Variants in BUB1B observed in about 807,000 individuals in gnomAD.
BUB1B encodes the protein mitotic checkpoint serine/threonine-protein kinase BUB1 beta.
BUB1B carries 86 observed loss-of-function variants against 137.7 expected under a neutral mutation model. The ratio of observed to expected loss-of-function variants is 0.62; its 90% CI spans 0.52 to 0.75. BUB1B has a LOEUF of 0.75. Among genes scored for constraint, BUB1B ranks in the 30% least tolerant of loss-of-function variants. The pLI is 0.00. For missense variants in BUB1B, 1,130 were observed against 1,236.9 expected (o/e 0.91, Z 1.30); for synonymous variants, 420 against 417.9 (o/e 1.00, Z -0.06).
chr15:40,177,245 C>G (rs2037233864), intron 5 of BUB1B, among the ~76,000 whole-genome samples: 1 of 152,050 alleles, frequency 6.6e-6, no homozygotes, highest in Non-Finnish European at 1.5e-5. Context: ...GTCTAATTTA[C>G]AAGTTTTTCT....
At position 40,185,642 on chromosome 15, in the gene BUB1B, T is replaced by A; in HGVS notation, c.1058T>A (p.Met353Lys). The A allele has an allele frequency of 6.2e-7, 1 of 1,612,430 alleles. No homozygotes were observed. Among genetic ancestry groups the A allele is most frequent in the Non-Finnish European group, 8.5e-7 (1 of 1,178,432 alleles). Residue 353 changes from methionine (M) to lysine (K), a missense_variant and splice_region_variant, in exon 8 of 23, where the codon ATG (methionine) becomes AAG (lysine). Coordinates refer to ENST00000287598, the MANE Select transcript of BUB1B (RefSeq NM_001211.6). ...YVEETARQPV[M>K]TPCKIEPSIN... is the part of the protein sequence containing the mutation. Reference sequence around the variant, plus strand: ...GAAGAGACTGCACGACAGCCAGTTATGTGAGTGTGGTTTTTGGATATTTTG... The same window carrying A: ...GAAGAGACTGCACGACAGCCAGTTAAGTGAGTGTGGTTTTTGGATATTTTG...
At chr15:40,163,171 T>C (rs1469532742) in intron 1 of BUB1B, among the ~76,000 whole-genome samples, 1 of 152,150 alleles carries the variant, frequency 6.6e-6, no homozygotes, top group Non-Finnish European at 1.5e-5. Flanking sequence ...CTGTCCAGGG[T>C]TGGTTCCTCT....
chr15:40,206,214 G>A lies in BUB1B; in HGVS notation c.1765G>A (p.Glu589Lys), dbSNP rs1295030829. The A allele has an allele frequency of 4.3e-6, 7 of 1,614,116 alleles. No individual in the cohort carries two copies. The highest frequency in any genetic ancestry group is 2.7e-5 in the African/African-American group (2 of 75,040). ...ATTTACAGGAATTGAACCCTTGAGC[G>A]AGGATGCCATTATCACAGGCTTCAG... ...DEFTGIEPLS[E>K]DAIITGFRNV... The change falls in exon 15 of 23, where the codon GAG becomes AAG. Residue 589 changes from glutamate (E) to lysine (K), a missense_variant. Coordinates refer to ENST00000287598, the MANE Select transcript of BUB1B (RefSeq NM_001211.6).
At chr15:40,212,396 TTTA>T in intron 18 of BUB1B, 100 bp from the exon 19 acceptor site, 1 of 889,908 alleles carries the variant, frequency 1.1e-6, no homozygotes, top group Non-Finnish European at 1.8e-6. Flanking sequence ...AAAATATCTC[TTTA>T]TTATTTCTCT....
At chr15:40,177,063 T>A (rs2037232644) in intron 5 of BUB1B, among the ~76,000 whole-genome samples, 1 of 152,132 alleles carries the variant, frequency 6.6e-6, no homozygotes, top group African/African-American at 2.4e-5. Flanking sequence ...GCCTTTTGAG[T>A]TTGGCCTGTT....
intron 5 of BUB1B, among the ~76,000 whole-genome samples, chr15:40,178,953 T>G (rs73389530): frequency 1.3e-5 from 2 of 152,142 alleles, no homozygotes; most frequent in African/African-American, 4.8e-5. Context: ...TACAATCTAA[T>G]TTTAGAACAT....
chr15:40,180,642 CTTTTTTTTTTTTTT>C (rs71132149), intron 5 of BUB1B, among the ~76,000 whole-genome samples: 6 of 65,854 alleles, frequency 9.1e-5, no homozygotes, highest in Admixed American at 4.5e-4. Context: ...TTTTCTTTTT[CTTTTTTTTTTTTTT>C]TTTTTTTTTT....
chr15:40,203,770 T>C (rs1039540055), intron 14 of BUB1B, among the ~76,000 whole-genome samples: 1 of 152,196 alleles, frequency 6.6e-6, no homozygotes, highest in Non-Finnish European at 1.5e-5. Flanking sequence ...TGTGTAGACA[T>C]TTAAGTCAAA....
intron 4 of BUB1B, among the ~76,000 whole-genome samples, chr15:40,174,738 G>T (rs898415270): frequency 2.6e-5 from 4 of 152,166 alleles, no homozygotes; most frequent in Non-Finnish European, 4.4e-5. Context: ...GGCCGAGGTG[G>T]GTGGATCACC....
In BUB1B at chr15:40,204,177, C is replaced by T. The variant is rs574831066; in HGVS notation, c.1734+1483C>T. 3.3e-5 allele frequency among the ~76,000 whole-genome samples: 5 copies of T among 152,230 alleles called. No individual in the cohort carries two copies. The South Asian group carries it at 1.0e-3, about 32-fold the overall frequency. On this transcript the variant is annotated intron_variant, in intron 14 of 22. Coordinates refer to ENST00000287598, the MANE Select transcript of BUB1B (RefSeq NM_001211.6). ...GACTAACAGTGCTTAAGCCCCATTC[C>T]ATCTAGGTGCCATTGGAATTTCCAG...
At chr15:40,166,471 C>A (rs916164845) in intron 2 of BUB1B, 18 of 335,160 alleles carry the variant, frequency 5.4e-5, no homozygotes, top group Non-Finnish European at 9.7e-5. Flanking sequence ...TCCTGAGTAG[C>A]TGGGACTACA....
chr15:40,196,835 C>T (rs2037505104), intron 9 of BUB1B, 61 bp downstream of exon 9: 12 of 1,464,150 alleles, frequency 8.2e-6, no homozygotes, highest in Non-Finnish European at 1.1e-5. Flanking sequence ...TTGAGCTGAC[C>T]TATTAAGTCT....
rs779581144 is a variant in BUB1B, at chr15:40,212,520, T to C, written c.2407T>C (p.Trp803Arg). ...ACAGGTATCTTCTCAACCTGTCCCA[T>C]GGGACTTTTATATCAACCTCAAGTT... is the stretch of plus-strand genomic sequence containing the variant. Reference protein sequence around the residue: ...VIKVSSQPVPWDFYINLKLKE... With the variant: ...VIKVSSQPVPRDFYINLKLKE... The change falls in exon 19 of 23, where the codon TGG (tryptophan) becomes CGG (arginine). Residue 803 changes from tryptophan to arginine, a missense_variant. Coordinates refer to ENST00000287598, the MANE Select transcript of BUB1B (RefSeq NM_001211.6). The C allele has an allele frequency of 3.1e-6, 5 of 1,612,936 alleles. No homozygotes were observed. Among genetic ancestry groups the C allele is most frequent in the Non-Finnish European group, 4.2e-6 (5 of 1,179,178 alleles).
chr15:40,188,658 C>T (rs2037399017), intron 8 of BUB1B, among the ~76,000 whole-genome samples: 2 of 149,892 alleles, frequency 1.3e-5, no homozygotes, highest in South Asian at 4.2e-4. Flanking sequence ...TCTCAGCTCA[C>T]TGTAACCTCC....
At chr15:40,214,717 G>T (rs576866083) in intron 20 of BUB1B, among the ~76,000 whole-genome samples, 2 of 152,140 alleles carry the variant, frequency 1.3e-5, no homozygotes, top group African/African-American at 2.4e-5. Flanking sequence ...AGAGTCAAAG[G>T]CTTTCCCAGA....
At chr15:40,181,649 C>G (rs538183062) in intron 5 of BUB1B, among the ~76,000 whole-genome samples, 202 of 152,222 alleles carry the variant, frequency 1.3e-3, no homozygotes, top group Non-Finnish European at 2.5e-3. Context: ...CTCTGTTTAA[C>G]CATTTTTCTT....
At chr15:40,213,535 C>T in intron 20 of BUB1B, 61 bp downstream of exon 20, 1 of 1,438,046 alleles carries the variant, frequency 7.0e-7, no homozygotes, top group Non-Finnish European at 9.5e-7. Context: ...ATAGTTGCCA[C>T]TTTTTTTTTT....
Position 40,185,622 on chromosome 15 carries a change from G to A in BUB1B, c.1038G>A (p.Glu346=), listed in dbSNP as rs1566820458. 1 of 1,613,922 alleles carries A rather than the reference G, an allele frequency of 6.2e-7. No homozygotes were observed. Among genetic ancestry groups the A allele is most frequent in the Non-Finnish European group, 8.5e-7 (1 of 1,179,878 alleles). Reference sequence around the variant, plus strand: ...CCAGTTTCACTCCATATGTGGAAGAGACTGCACGACAGCCAGTTATGTGAG... The same window carrying A: ...CCAGTTTCACTCCATATGTGGAAGAAACTGCACGACAGCCAGTTATGTGAG... ...VLPSFTPYVE[E]TARQPVMTPC... is the part of the protein sequence containing the mutation. Residue 346 remains glutamate (E), a synonymous_variant, in exon 8 of 23, where the codon GAG becomes GAA. Coordinates refer to ENST00000287598, the MANE Select transcript of BUB1B (RefSeq NM_001211.6).
At chr15:40,180,793 G>A (rs2037283128) in intron 5 of BUB1B, among the ~76,000 whole-genome samples, 1 of 151,570 alleles carries the variant, frequency 6.6e-6, no homozygotes, top group Non-Finnish European at 1.5e-5. Flanking sequence ...GGGACTACAG[G>A]TGCCTGCCAC....
Sources: allele counts gnomAD v4.1 joint callset (sites outside exome capture counted in the v4.1 genomes callset), GRCh38; gene constraint gnomAD v4.1.1; transcripts MANE v1.5; gene names NCBI Gene and HGNC (gene_info 2026-07-23, HGNC 2026-07-21).